The following ARHGEF17 variants were observed in gnomAD, a reference collection of about 807,000 sequenced individuals.
The protein encoded by ARHGEF17 is Rho guanine nucleotide exchange factor 17.
In ARHGEF17, 80 loss-of-function variants were observed where a neutral mutation model predicts 174.0. That is an observed-to-expected ratio of 0.46 (90% confidence interval 0.38 to 0.55). The LOEUF is 0.55. Among genes scored for constraint, ARHGEF17 ranks in the 20% least tolerant of loss-of-function variants. ARHGEF17 has a pLI of 0.00. For synonymous variants in ARHGEF17, 1,311 were observed against 1,189.1 expected (o/e 1.10, Z -2.11); for missense variants, 2,886 against 2,839.7 (o/e 1.02, Z -0.37).
chr11:73,360,396 C>T lies in ARHGEF17; in HGVS notation c.4283C>T (p.Ala1428Val), dbSNP rs747200440. 5 of 1,613,946 alleles carry T rather than the reference C, an allele frequency of 3.1e-6. No homozygotes were observed. In the South Asian group the frequency reaches 5.5e-5, roughly 18 times the overall value. Residue 1428 changes from alanine (A) to valine (V), a missense_variant, in exon 11 of 21, where the codon GCG becomes GTG. Physicochemically the swap from Ala to Val is moderately conservative, Grantham distance 64. Transcript: ENST00000263674. ...TCGGAGAAGCAGGCGCTGTGCTACG[C>T]GCTTTCCTTCCCGCCAACCAAGCTG... is the stretch of plus-strand genomic sequence containing the variant. ...DLSEKQALCY[A>V]LSFPPTKLEL...
At chr11:73,353,214 TG>T (rs1315473795) in intron 3 of ARHGEF17, 3 of 669,614 alleles carry the variant, frequency 4.5e-6, no homozygotes, top group Non-Finnish European at 7.5e-6. Flanking sequence ...CCCCAAAGCT[TG>T]GCCAGACTCT....
At chr11:73,348,408 A>C (rs1865499816) in intron 2 of ARHGEF17, among the ~76,000 whole-genome samples, 1 of 152,156 alleles carries the variant, frequency 6.6e-6, no homozygotes, top group African/African-American at 2.4e-5. Context: ...GTGCACACAC[A>C]GAGAACCTAC....
intron 4 of ARHGEF17, 58 bp from the exon 5 acceptor site, chr11:73,355,803 C>A: frequency 6.2e-7 from 1 of 1,607,264 alleles, no homozygotes; most frequent in Non-Finnish European, 8.5e-7. Flanking sequence ...GGACCTGTCC[C>A]TGGACATAGT....
At chr11:73,330,710 T>G (rs537890916) in intron 1 of ARHGEF17, among the ~76,000 whole-genome samples, 3 of 152,372 alleles carry the variant, frequency 2.0e-5, no homozygotes, top group Non-Finnish European at 4.4e-5. Context: ...ATCCCCTCTC[T>G]GGGCCTAGAT....
intron 4 of ARHGEF17, 99 bp from the exon 5 acceptor site, chr11:73,355,762 G>A (rs1208291282): frequency 1.1e-5 from 17 of 1,564,060 alleles, no homozygotes; most frequent in East Asian, 2.2e-5. Flanking sequence ...GCCAGCCTCC[G>A]CTCTCAGGCT....
At chr11:73,347,270 G>A (rs903777875) in intron 2 of ARHGEF17, 13 of 472,980 alleles carry the variant, frequency 2.7e-5, no homozygotes, top group African/African-American at 1.6e-4. Context: ...CTGATGTGCC[G>A]CCTCCATTGT....
In ARHGEF17 at chr11:73,360,367, C is replaced by G. The variant is rs1354092278; in HGVS notation, c.4254C>G (p.Asp1418Glu). Reference protein sequence around the residue: ...LRDLSAAMHRDLSEKQALCYA... With the variant: ...LRDLSAAMHRELSEKQALCYA... ...ACCTCTCAGCTGCCATGCACCGGGA[C>G]CTGTCGGAGAAGCAGGCGCTGTGCT... The change falls in exon 11 of 21, where the codon GAC becomes GAG. Residue 1418 changes from aspartate (D) to glutamate (E), a missense_variant. Asp to Glu is a conservative substitution (Grantham distance 45). This residue lies in a region of ARHGEF17 where 476 missense variants were observed against 473.1 expected (regional missense o/e 1.01). Transcript: ENST00000263674. The G allele has an allele frequency of 6.2e-7, 1 of 1,613,926 alleles. No individual in the cohort carries two copies. Among genetic ancestry groups the G allele is most frequent in the Non-Finnish European group, 8.5e-7 (1 of 1,180,054 alleles).
intron 1 of ARHGEF17, among the ~76,000 whole-genome samples, chr11:73,321,158 G>T (rs746862349): frequency 6.6e-6 from 1 of 152,246 alleles, no homozygotes; most frequent in Non-Finnish European, 1.5e-5. Context: ...CCTGGCTACA[G>T]TACCCACATA....
At chr11:73,326,044 G>A (rs79407935) in intron 1 of ARHGEF17, among the ~76,000 whole-genome samples, 10,810 of 152,320 alleles carry the variant, frequency 0.071, 469 homozygotes, top group Non-Finnish European at 0.1. Flanking sequence ...GAACCCAGGG[G>A]AACCTTTAAA....
chr11:73,342,423 A>C (rs886299244), intron 1 of ARHGEF17, among the ~76,000 whole-genome samples: 1 of 152,136 alleles, frequency 6.6e-6, no homozygotes, highest in African/African-American at 2.4e-5. Flanking sequence ...GAGCCTGGAC[A>C]TATGTGCCTG....
At chr11:73,352,800 G>C in intron 2 of ARHGEF17, 30 bp from the exon 3 acceptor site, 1 of 1,610,522 alleles carries the variant, frequency 6.2e-7, no homozygotes. Context: ...ATCTCTGAGG[G>C]AGTGTGCACC....
At chr11:73,342,781 G>A (rs1400968037) in intron 1 of ARHGEF17, 1 of 152,170 alleles carries the variant, frequency 6.6e-6, no homozygotes, top group Non-Finnish European at 1.5e-5. Context: ...GCGGGGGATG[G>A]GTCCGTGAGC....
In ARHGEF17 at chr11:73,350,466, C is replaced by T. The variant is rs192671558; in HGVS notation, c.3271-2364C>T. Reference sequence around the variant, plus strand: ...CTGTCATTGTGACTCTGGGTTCTCCCTGTCACCCACTAGTCTACACTGCCT... The same window carrying T: ...CTGTCATTGTGACTCTGGGTTCTCCTTGTCACCCACTAGTCTACACTGCCT... On this transcript the variant is annotated intron_variant, in intron 2 of 20. Transcript: ENST00000263674. Among the ~76,000 whole-genome samples, 153 of 152,262 alleles carry T rather than the reference C, an allele frequency of 1.0e-3. 1 individual carries two copies. The highest frequency in any genetic ancestry group is 3.6e-3 in the African/African-American group (149 of 41,544).
chr11:73,356,586 TG>T, intron 6 of ARHGEF17, 122 bp from the exon 7 acceptor site: 1 of 1,319,528 alleles, frequency 7.6e-7, no homozygotes, highest in Non-Finnish European at 1.1e-6. Flanking sequence ...GCATTGAGGG[TG>T]GGAAGCATGC....
At chr11:73,360,191 AATCCAGGT>A in intron 10 of ARHGEF17, 121 bp from the exon 11 acceptor site, 1 of 1,082,314 alleles carries the variant, frequency 9.2e-7, no homozygotes, top group South Asian at 1.5e-5. Flanking sequence ...ATATCAAAGG[AATCCAGGT>A]CTGAGGGAGG....
At chr11:73,360,100 G>A in intron 10 of ARHGEF17, 148 bp downstream of exon 10, 1 of 923,262 alleles carries the variant, frequency 1.1e-6, no homozygotes. Context: ...CCTGCGTATG[G>A]GGGAAGTAAC....
At chr11:73,360,218 T>C (rs7131383) in intron 10 of ARHGEF17, 102 bp from the exon 11 acceptor site, 295,460 of 1,303,450 alleles carry the variant, frequency 0.23, 40,796 homozygotes, top group African/African-American at 0.63. Flanking sequence ...GGAGACAGTC[T>C]CACTTGCTGT....
Position 73,367,505 on chromosome 11 carries a change from G to T in ARHGEF17, c.5996-79G>T, listed in dbSNP as rs138141827. The T allele has an allele frequency of 8.1e-6, 10 of 1,238,026 alleles. No individual in the cohort carries two copies. In the Admixed American group the frequency reaches 1.6e-4, roughly 19 times the overall value. 76.7% of individuals were successfully genotyped at this position (1,238,026 alleles called of 1,614,324 possible). A position where few individuals can be genotyped will look rare whatever the true frequency, so the allele number is the denominator to read the frequency against. The stretch of plus-strand genomic sequence containing the variant: ...CACATCTTCCTTCCTATCTTCTGGG[G>T]TGTGGGAATTCAGGCCCCGATGGGA... On this transcript the variant is annotated intron_variant, in intron 20 of 20. Transcript: ENST00000263674.
At position 73,310,887 on chromosome 11, in the gene ARHGEF17, C is replaced by G. The variant is rs201143715; in HGVS notation, c.2249C>G (p.Pro750Arg). 5 of 1,613,074 alleles carry G rather than the reference C, an allele frequency of 3.1e-6. No homozygotes were observed. The African/African-American group carries it at 4.0e-5, about 13-fold the overall frequency. ...CACCGGGCTGCCACCTCTGAAGAGC[C>G]TACTGGGTTCTCTGTGGACAGCAAC... ...QRHRAATSEEPTGFSVDSNLL... is the reference protein window; with the variant it reads ...QRHRAATSEERTGFSVDSNLL... The change falls in exon 1 of 21, where the codon CCT becomes CGT. Residue 750 changes from proline to arginine, a missense_variant. Around this residue, in one of 4 missense-constraint regions of ARHGEF17, gnomAD observed 1,728 missense variants for 1,461.2 expected, o/e 1.18. Coordinates refer to ENST00000263674, the MANE Select transcript of ARHGEF17 (RefSeq NM_014786.4).
Sources: gnomAD v4.1 joint callset for allele counts (sites outside exome capture counted in the v4.1 genomes callset) on GRCh38, gnomAD v4.1.1 for gene constraint, gnomAD v4.1.1 regional missense constraint, MANE v1.5 for transcripts, NCBI Gene and HGNC (gene_info 2026-07-23, HGNC 2026-07-21) for gene names.